The following EPHA7 variants were observed in gnomAD, a reference collection of about 807,000 sequenced individuals.
EPHA7 encodes the protein ephrin type-A receptor 7.
A neutral mutation model predicts 112.6 loss-of-function variants in EPHA7; 25 were observed. The ratio of observed to expected loss-of-function variants is 0.22; its 90% CI spans 0.16 to 0.31. EPHA7 has a LOEUF of 0.31. EPHA7 is among the 10% of genes least tolerant of loss of function. EPHA7 has a pLI of 1.00. For synonymous variants in EPHA7, 437 were observed against 406.5 expected (o/e 1.07, Z -0.90); for missense variants, 962 against 1,212.6 (o/e 0.79, Z 3.07).
intron 3 of EPHA7, among the ~76,000 whole-genome samples, chr6:93,392,282 T>C (rs142782046): frequency 2.6e-4 from 39 of 152,068 alleles, no homozygotes; most frequent in African/African-American, 5.8e-4. Context: ...TTGACCCCTA[T>C]AGCACAGTAA....
Position 93,287,937 on chromosome 6 carries a change from A to G in EPHA7, c.1325-15515T>C, listed in dbSNP as rs558726624. ...AATTTTAAAAAATCTAGATAATAAC[A>G]TGTGTTGGCAAGAATTTGAAAATAG... On this transcript the variant is annotated intron_variant, in intron 5 of 16. Transcript: ENST00000369303. 1.9e-3 allele frequency among the ~76,000 whole-genome samples: 294 copies of G among 152,330 alleles called. 12 individuals are homozygous for G. In the South Asian group the frequency reaches 0.057, roughly 30 times the overall value.
chr6:93,265,475 G>T (rs1194069744), intron 7 of EPHA7, among the ~76,000 whole-genome samples: 6 of 151,602 alleles, frequency 4.0e-5, no homozygotes, highest in African/African-American at 1.5e-4. Context: ...GTACATGTTT[G>T]CATGTCTTTT....
chr6:93,359,708 A>C (rs1215647642), intron 3 of EPHA7, among the ~76,000 whole-genome samples: 3 of 152,070 alleles, frequency 2.0e-5, no homozygotes, highest in Admixed American at 2.0e-4. Context: ...TTAATGCACA[A>C]TTTTGATATA....
At chr6:93,299,092 C>T (rs1271088115) in intron 5 of EPHA7, among the ~76,000 whole-genome samples, 3 of 150,572 alleles carry the variant, frequency 2.0e-5, no homozygotes, top group South Asian at 2.1e-4. Context: ...TTTGGGAGGC[C>T]GAGGCGGGCG....
Position 93,419,266 on chromosome 6 carries a change from C to T in EPHA7, c.76G>A (p.Glu26Lys). 2.5e-6 allele frequency: 4 copies of T among 1,613,920 alleles called. No homozygotes were observed. The highest frequency in any genetic ancestry group is 3.4e-6 in the Non-Finnish European group (4 of 1,179,882). ...TTACCTTCCTTCGCAGCCTGCGCCT[C>T]CCCTGTGTGTGCAAAGCGGAGCAGC... ...IWLLRFAHTG[E>K]AQAAKEVLLL... The change falls in exon 1 of 17, where the codon GAG becomes AAG. Residue 26 changes from glutamate (E) to lysine (K), a missense_variant. Glu to Lys is a moderately conservative substitution (Grantham distance 56). Transcript: ENST00000369303.
chr6:93,336,648 G>A (rs569998355), intron 5 of EPHA7, among the ~76,000 whole-genome samples: 24 of 151,968 alleles, frequency 1.6e-4, no homozygotes, highest in East Asian at 9.7e-4. Flanking sequence ...TGATCTGCCC[G>A]CCTTGGCCTC....
chr6:93,251,320 C>G (rs1582390423), intron 14 of EPHA7, among the ~76,000 whole-genome samples: 1 of 151,868 alleles, frequency 6.6e-6, no homozygotes, highest in East Asian at 1.9e-4. Flanking sequence ...ATTTTCCAAG[C>G]CCTTAAATGA....
chr6:93,246,047 T>C (rs987894764), intron 15 of EPHA7, among the ~76,000 whole-genome samples: 1 of 151,548 alleles, frequency 6.6e-6, no homozygotes, highest in Non-Finnish European at 1.5e-5. Flanking sequence ...TATTGAATTT[T>C]TTTTTCTTTT....
intron 5 of EPHA7, among the ~76,000 whole-genome samples, chr6:93,272,748 C>T (rs1256484117): frequency 6.6e-6 from 1 of 151,830 alleles, no homozygotes; most frequent in Non-Finnish European, 1.5e-5. Context: ...AGATTAATCT[C>T]CAGTGATAAA....
At chr6:93,333,995 T>C (rs958162499) in intron 5 of EPHA7, among the ~76,000 whole-genome samples, 4 of 151,848 alleles carry the variant, frequency 2.6e-5, no homozygotes, top group Admixed American at 6.6e-5. Context: ...AGGACAATTC[T>C]AGGCATCATG....
chr6:93,372,102 A>AT (rs1189538194), intron 3 of EPHA7, among the ~76,000 whole-genome samples: 7 of 152,186 alleles, frequency 4.6e-5, no homozygotes, highest in African/African-American at 1.4e-4. Flanking sequence ...AATAAACAGA[A>AT]TATCTAAAAG....
intron 6 of EPHA7, among the ~76,000 whole-genome samples, chr6:93,270,743 A>G (rs1771175837): frequency 6.6e-6 from 1 of 151,780 alleles, no homozygotes; most frequent in Non-Finnish European, 1.5e-5. Context: ...GATTGTCCTC[A>G]TTATAATCAT....
At chr6:93,258,461 T>C (rs1770542030) in intron 10 of EPHA7, among the ~76,000 whole-genome samples, 177 bp from the exon 11 acceptor site, 1 of 151,920 alleles carries the variant, frequency 6.6e-6, no homozygotes, top group Non-Finnish European at 1.5e-5. Context: ...CATTCCCATA[T>C]ATAGGGGAGT....
intron 7 of EPHA7, among the ~76,000 whole-genome samples, chr6:93,267,240 G>A (rs573255575): frequency 1.1e-4 from 16 of 151,762 alleles, no homozygotes; most frequent in South Asian, 4.1e-4. Context: ...TTTGAGAAAG[G>A]CTGTGTTTAA....
intron 3 of EPHA7, among the ~76,000 whole-genome samples, chr6:93,407,746 A>G (rs1778790053): frequency 6.6e-6 from 1 of 152,008 alleles, no homozygotes; most frequent in South Asian, 2.1e-4. Context: ...TTATTTTTAA[A>G]TACCTTGGTA....
chr6:93,361,137 T>C (rs1381182983), intron 3 of EPHA7, among the ~76,000 whole-genome samples: 1 of 152,126 alleles, frequency 6.6e-6, no homozygotes, highest in African/African-American at 2.4e-5. Context: ...TTATGGAATA[T>C]ATGTATGACT....
At chr6:93,368,745 A>C (rs944305467) in intron 3 of EPHA7, among the ~76,000 whole-genome samples, 2 of 152,146 alleles carry the variant, frequency 1.3e-5, no homozygotes, top group African/African-American at 2.4e-5. Context: ...GCTTTTCACT[A>C]TCAGTTTTCT....
At chr6:93,400,337 C>G (rs1021846727) in intron 3 of EPHA7, among the ~76,000 whole-genome samples, 5 of 151,956 alleles carry the variant, frequency 3.3e-5, no homozygotes, top group Non-Finnish European at 5.9e-5. Context: ...ACATATAAAT[C>G]ACTGGAAATA....
chr6:93,367,072 A>C (rs1776551427), intron 3 of EPHA7, among the ~76,000 whole-genome samples: 1 of 152,136 alleles, frequency 6.6e-6, no homozygotes, highest in Admixed American at 6.6e-5. Flanking sequence ...AAAATACTTA[A>C]ATTAGAGGAA....
Sources: gnomAD v4.1 joint callset for allele counts (sites outside exome capture counted in the v4.1 genomes callset) on GRCh38, gnomAD v4.1.1 for gene constraint, MANE v1.5 for transcripts, NCBI Gene and HGNC (gene_info 2026-07-23, HGNC 2026-07-21) for gene names.